MTMR12: variants seen among roughly 807,000 people sequenced by gnomAD.
MTMR12 encodes myotubularin related protein 12, also known as myotubularin-related protein 12.
In MTMR12, 33 loss-of-function variants were observed where a neutral mutation model predicts 96.7. The observed-to-expected ratio is 0.34, with a 90% CI of 0.26 to 0.46. The LOEUF (loss-of-function observed/expected upper bound fraction) is 0.46. Among genes scored for constraint, MTMR12 ranks in the 20% least tolerant of loss-of-function variants. The pLI is 1.00. For synonymous variants in MTMR12, 298 were observed against 327.2 expected, an observed-to-expected ratio of 0.91 and a Z score of 0.96; for missense variants, 721 against 896.1, an observed-to-expected ratio of 0.80 and a Z score of 2.49.
At position 32,234,959 on chromosome 5, in the gene MTMR12, T is replaced by G; in HGVS notation, c.1512+3A>C. ...TACACAGGTTCCTAAGAGGGACTCT[T>G]ACCATGTTAGTATCTTTTTGATGAG... On this transcript the variant is annotated splice_donor_region_variant and intron_variant, in intron 14 of 15. Coordinates refer to ENST00000382142, the MANE Select transcript of MTMR12 (RefSeq NM_001040446.3). 1.2e-6 allele frequency: 2 copies of G among 1,610,948 alleles called. No homozygotes were observed. Among genetic ancestry groups the G allele is most frequent in the South Asian group, 2.2e-5 (2 of 90,854 alleles).
At chr5:32,247,898 T>C (rs1196454010) in intron 10 of MTMR12, 104 bp downstream of exon 10, 3 of 1,490,296 alleles carry the variant, frequency 2.0e-6, no homozygotes, top group African/African-American at 1.4e-5. Flanking sequence ...GGGCTCTGCG[T>C]ACTAACGTAA....
In MTMR12 at chr5:32,233,651, C is replaced by A; in HGVS notation, c.1674+122G>T. On this transcript the variant is annotated intron_variant, in intron 15 of 15. Transcript: ENST00000382142. The surrounding 1 kb of genome is among the most constrained non-coding windows in gnomAD (Gnocchi z 5.0). ...TTGACAATTTGACCATCACAAGTCT[C>A]AACTCTGCAGACTGCTTCGAGGGGT... The A allele has an allele frequency of 7.3e-7, 1 of 1,371,486 alleles. No individual in the cohort carries two copies. 85.0% of individuals were successfully genotyped at this position (1,371,486 alleles called of 1,614,324 possible). A position where few individuals can be genotyped will look rare whatever the true frequency, so the allele number is the denominator to read the frequency against.
chr5:32,228,576 ATATC>A lies in MTMR12; in HGVS notation c.*1198_*1201del, dbSNP rs1747843342. 1 of 135,044 alleles carries A rather than the reference ATATC, an allele frequency of 7.4e-6. No homozygotes were observed. Among genetic ancestry groups the A allele is most frequent in the Non-Finnish European group, 1.5e-5 (1 of 64,874 alleles). The allele number at this position is 135,044 out of a possible 1,614,324, so 8.4% of individuals were successfully genotyped here. On this transcript the variant is annotated 3_prime_UTR_variant, in exon 16 of 16. Transcript: ENST00000382142. ...TATGTGATATATATATATCATATAT[ATATC>A]ATATATATGTGATATATATATATAT...
intron 15 of MTMR12, among the ~76,000 whole-genome samples, chr5:32,231,602 G>C (rs1747999564): frequency 6.6e-6 from 1 of 152,044 alleles, no homozygotes; most frequent in African/African-American, 2.4e-5. Context: ...CTTGTAAAAA[G>C]ATATTCTTTA....
rs140333753 is a variant in MTMR12, at chr5:32,260,776, G to A, written c.713+2337C>T. On this transcript the variant is annotated intron_variant, in intron 7 of 15. Coordinates refer to ENST00000382142, the MANE Select transcript of MTMR12 (RefSeq NM_001040446.3). ...CAGCAACCTGATAAATACTGAGAGT[G>A]ATCAGAATCAAAACTGATTACTGAA... Among the ~76,000 whole-genome samples the A allele has an allele frequency of 7.6e-3, 1,154 of 151,510 alleles. 23 individuals carry two copies. The highest frequency in any genetic ancestry group is 0.026 in the African/African-American group (1,090 of 41,294).
In MTMR12 at chr5:32,260,804, G is replaced by T. The variant is rs188697630; in HGVS notation, c.713+2309C>A. Among the ~76,000 whole-genome samples, 153 of 151,644 alleles carry T rather than the reference G, an allele frequency of 1.0e-3. 1 individual carries two copies. The highest frequency in any genetic ancestry group is 3.6e-3 in the African/African-American group (147 of 41,360). On this transcript the variant is annotated intron_variant, in intron 7 of 15. Coordinates refer to ENST00000382142, the MANE Select transcript of MTMR12 (RefSeq NM_001040446.3). ...CAGAATCAAAACTGATTACTGAAGA[G>T]GCCTATCAGAACCATGATACAAAGA...
chr5:32,295,528 C>T (rs1323450977), intron 1 of MTMR12, among the ~76,000 whole-genome samples: 2 of 152,198 alleles, frequency 1.3e-5, no homozygotes, highest in Non-Finnish European at 2.9e-5. Flanking sequence ...ATTAGAAATA[C>T]TCAACCTGTA....
At chr5:32,264,027 G>A (rs1384625190) in intron 6 of MTMR12, among the ~76,000 whole-genome samples, 5 of 152,150 alleles carry the variant, frequency 3.3e-5, no homozygotes, top group Admixed American at 6.5e-5. Context: ...TGTGACAACC[G>A]GTTCCTGAAG....
Position 32,230,149 on chromosome 5 carries a change from C to G in MTMR12, c.1873G>C (p.Gly625Arg). Residue 625 changes from glycine to arginine, a missense_variant, in exon 16 of 16, where the codon GGT (glycine) becomes CGT (arginine). Gly to Arg is a moderately radical substitution (Grantham distance 125). Transcript: ENST00000382142. The part of the protein sequence containing the change: ...SWHSKSTDYH[G>R]LLLPHIEGPE... ...CCCTCGATATGCGGTAACAACAAAC[C>G]ATGGTAGTCAGTGGACTTGCTATGC... 6.2e-7 allele frequency: 1 copy of G among 1,614,112 alleles called. No homozygotes were observed. Among genetic ancestry groups the G allele is most frequent in the Non-Finnish European group, 8.5e-7 (1 of 1,179,992 alleles).
At chr5:32,271,300 G>T (rs1274029424) in intron 4 of MTMR12, among the ~76,000 whole-genome samples, 3 of 152,160 alleles carry the variant, frequency 2.0e-5, no homozygotes, top group Admixed American at 1.3e-4. Context: ...TCAACTCCTG[G>T]GTTTACAGCT....
At chr5:32,311,688 G>T (rs1364736508) in intron 1 of MTMR12, among the ~76,000 whole-genome samples, 1 of 152,204 alleles carries the variant, frequency 6.6e-6, no homozygotes, top group African/African-American at 2.4e-5. Flanking sequence ...TACAAGTTCT[G>T]ATCTCTCTAA....
At chr5:32,259,896 C>T (rs541910899) in intron 7 of MTMR12, among the ~76,000 whole-genome samples, 18 of 152,050 alleles carry the variant, frequency 1.2e-4, no homozygotes, top group South Asian at 1.0e-3. Flanking sequence ...ATTAGCTGGG[C>T]GTGGTGGCGC....
At chr5:32,265,569 C>T (rs1003051590) in intron 6 of MTMR12, among the ~76,000 whole-genome samples, 23 of 152,222 alleles carry the variant, frequency 1.5e-4, no homozygotes, top group African/African-American at 5.5e-4. Flanking sequence ...GTCATATTGC[C>T]ACAAACTCTA....
At chr5:32,273,468 C>T (rs922192826) in intron 3 of MTMR12, among the ~76,000 whole-genome samples, 3 of 152,150 alleles carry the variant, frequency 2.0e-5, no homozygotes, top group Non-Finnish European at 2.9e-5. Context: ...GAACTCAGTT[C>T]CTGGGTTTAA....
intron 1 of MTMR12, among the ~76,000 whole-genome samples, chr5:32,277,354 C>A (rs773769570): frequency 9.9e-5 from 15 of 152,118 alleles, no homozygotes; most frequent in Non-Finnish European, 1.8e-4. Context: ...ATCTAAGGAA[C>A]AACTTGAAGT....
intron 1 of MTMR12, among the ~76,000 whole-genome samples, chr5:32,294,293 A>G (rs1581640772): frequency 6.7e-6 from 1 of 149,536 alleles, no homozygotes; most frequent in Admixed American, 6.7e-5. Flanking sequence ...CCAGAACAGC[A>G]CTTTTCCTTT....
At chr5:32,283,383 G>A (rs548655388) in intron 1 of MTMR12, among the ~76,000 whole-genome samples, 1 of 148,786 alleles carries the variant, frequency 6.7e-6, no homozygotes, top group African/African-American at 2.4e-5. Context: ...CATTTCTTGG[G>A]CTCTAAGTGC....
In MTMR12 at chr5:32,286,860, C is replaced by CCTT. The variant is rs535264679; in HGVS notation, c.82-10119_82-10118insAAG. Among the ~76,000 whole-genome samples, 282 of 152,292 alleles carry CCTT rather than the reference C, an allele frequency of 1.9e-3. 1 individual carries two copies. Among genetic ancestry groups the CCTT allele is most frequent in the African/African-American group, 6.5e-3 (270 of 41,558 alleles). ...TCCTCCTTCTGGGCACTGCTCCTCTCGAGTTCACATGCTCTTTTATTCACT... is the reference window on the plus strand; with the variant it reads ...TCCTCCTTCTGGGCACTGCTCCTCTCCTTGAGTTCACATGCTCTTTTATTCACT... On this transcript the variant is annotated intron_variant, in intron 1 of 15. Coordinates refer to ENST00000382142, the MANE Select transcript of MTMR12 (RefSeq NM_001040446.3).
At chr5:32,292,730 G>C (rs1009900378) in intron 1 of MTMR12, among the ~76,000 whole-genome samples, 2 of 149,538 alleles carry the variant, frequency 1.3e-5, no homozygotes, top group Non-Finnish European at 3.0e-5. Context: ...AGACCCCTCA[G>C]GAATAAAGGT....
Sources: allele counts gnomAD v4.1 joint callset (sites outside exome capture counted in the v4.1 genomes callset), GRCh38; gene constraint gnomAD v4.1.1; non-coding constraint Gnocchi (gnomAD v3.1); transcripts MANE v1.5; gene names NCBI Gene and HGNC (gene_info 2026-07-23, HGNC 2026-07-21).